LRRC4C: variants seen among roughly 807,000 people sequenced by gnomAD.
LRRC4C encodes leucine-rich repeat-containing protein 4C.
LRRC4C carries 5 observed loss-of-function variants against 33.6 expected under a neutral mutation model. The observed-to-expected ratio is 0.15, with a 90% CI of 0.08 to 0.31. LRRC4C has a LOEUF of 0.31. LRRC4C is among the 10% of genes least tolerant of loss of function. The probability of loss-of-function intolerance (pLI) is 1.00; values close to 1 mark genes in which losing one functional copy is unlikely to be tolerated. For missense variants in LRRC4C, 560 were observed against 796.7 expected (o/e 0.70, Z 3.58); for synonymous variants, 329 against 302.0 (o/e 1.09, Z -0.93).
chr11:40,175,612 G>T (rs574548794), intron 5 of LRRC4C, among the ~76,000 whole-genome samples: 1 of 152,278 alleles, frequency 6.6e-6, no homozygotes, highest in African/African-American at 2.4e-5. Context: ...CAAAGATTTT[G>T]AGCCTTTAAT....
At chr11:41,303,123 C>T (rs1266924995) in intron 1 of LRRC4C, among the ~76,000 whole-genome samples, 1 of 140,986 alleles carries the variant, frequency 7.1e-6, no homozygotes, top group Admixed American at 7.5e-5. Context: ...CTCTCCCTCA[C>T]CCCACGGTCT....
At chr11:40,377,885 A>T (rs1948721028) in intron 3 of LRRC4C, among the ~76,000 whole-genome samples, 1 of 152,130 alleles carries the variant, frequency 6.6e-6, no homozygotes, top group Non-Finnish European at 1.5e-5. Flanking sequence ...GGTAGAGGCC[A>T]GTGACAATTC....
At chr11:41,086,397 T>C (rs1027343212) in intron 1 of LRRC4C, among the ~76,000 whole-genome samples, 4 of 152,128 alleles carry the variant, frequency 2.6e-5, no homozygotes, top group Non-Finnish European at 5.9e-5. Context: ...ACTTGTGCAA[T>C]AAACAAACAC....
intron 2 of LRRC4C, among the ~76,000 whole-genome samples, chr11:40,729,543 A>G (rs1947456604): frequency 6.6e-6 from 1 of 152,146 alleles, no homozygotes; most frequent in South Asian, 2.1e-4. Flanking sequence ...ACAGCATGAT[A>G]TGGAGGTAAG....
intron 3 of LRRC4C, among the ~76,000 whole-genome samples, chr11:40,592,211 G>A (rs1272176958): frequency 6.6e-6 from 1 of 152,162 alleles, no homozygotes; most frequent in African/African-American, 2.4e-5. Context: ...GTGCTATAAA[G>A]TACAGAGTGC....
At chr11:40,531,475 CAGAT>C (rs1956269691) in intron 3 of LRRC4C, among the ~76,000 whole-genome samples, 1 of 151,822 alleles carries the variant, frequency 6.6e-6, no homozygotes. Flanking sequence ...AGAGAAGGAA[CAGAT>C]AGAAGAAAAA....
intron 1 of LRRC4C, among the ~76,000 whole-genome samples, chr11:40,934,202 C>T (rs945550382): frequency 6.6e-6 from 1 of 152,172 alleles, no homozygotes; most frequent in African/African-American, 2.4e-5. Context: ...TTCTCATCCA[C>T]AAACTCATAG....
At chr11:40,589,238 T>C (rs1321009808) in intron 3 of LRRC4C, among the ~76,000 whole-genome samples, 1 of 152,176 alleles carries the variant, frequency 6.6e-6, no homozygotes, top group Non-Finnish European at 1.5e-5. Context: ...GTAATGGTCT[T>C]CTTTGTCTCT....
At chr11:41,019,828 A>G (rs926524069) in intron 1 of LRRC4C, among the ~76,000 whole-genome samples, 17 of 152,042 alleles carry the variant, frequency 1.1e-4, no homozygotes, top group African/African-American at 4.1e-4. Context: ...ACCTTTGAGA[A>G]GTGTCTGTTC....
At chr11:41,409,800 G>C in intron 1 of LRRC4C, among the ~76,000 whole-genome samples, 1 of 152,110 alleles carries the variant, frequency 6.6e-6, no homozygotes, top group Non-Finnish European at 1.5e-5. Context: ...TGGTAGATAT[G>C]ACTGACCCGT....
At chr11:40,384,522 C>G (rs1021132405) in intron 3 of LRRC4C, among the ~76,000 whole-genome samples, 1 of 152,074 alleles carries the variant, frequency 6.6e-6, no homozygotes, top group Admixed American at 6.5e-5. Flanking sequence ...TATAGCAGAA[C>G]CAGGATTCAA....
At chr11:40,585,352 G>A (rs1489398646) in intron 3 of LRRC4C, among the ~76,000 whole-genome samples, 1 of 152,044 alleles carries the variant, frequency 6.6e-6, no homozygotes, top group Non-Finnish European at 1.5e-5. Flanking sequence ...ACACAAGGAA[G>A]ACTAAACATC....
Position 40,390,313 on chromosome 11 carries a change from G to A in LRRC4C, c.-269-70592C>T, listed in dbSNP as rs116310419. The stretch of plus-strand genomic sequence containing the variant: ...AAAACAAGGAATTCAGCTTAATCTC[G>A]AGTGTTAAACTGAATTAACTGAATC... On this transcript the variant is annotated intron_variant, in intron 3 of 6. Coordinates refer to ENST00000528697, the MANE Select transcript of LRRC4C (RefSeq NM_001258419.2). 3.1e-3 allele frequency among the ~76,000 whole-genome samples: 479 copies of A among 152,228 alleles called. 4 individuals are homozygous for A. Among genetic ancestry groups the A allele is most frequent in the African/African-American group, 0.011 (460 of 41,542 alleles).
intron 5 of LRRC4C, among the ~76,000 whole-genome samples, chr11:40,201,567 C>T (rs1307445503): frequency 2.0e-5 from 3 of 152,120 alleles, no homozygotes; most frequent in African/African-American, 7.2e-5. Flanking sequence ...AACAACTCCA[C>T]CCACGAGCTG....
chr11:41,176,652 A>G (rs1373021184), intron 1 of LRRC4C, among the ~76,000 whole-genome samples: 5 of 152,180 alleles, frequency 3.3e-5, no homozygotes, highest in Admixed American at 2.6e-4. Flanking sequence ...TAAAGATAAA[A>G]TAAATGAAGA....
At chr11:40,987,826 T>A (rs1437366263) in intron 1 of LRRC4C, among the ~76,000 whole-genome samples, 1 of 151,810 alleles carries the variant, frequency 6.6e-6, no homozygotes, top group Admixed American at 6.6e-5. Context: ...ATGCAGTGAA[T>A]AGCACAAAGA....
chr11:41,136,539 C>T lies in LRRC4C; in HGVS notation c.-495-202816G>A, dbSNP rs1384934374. ...TACAATTGAAAGATGTTAAGTTGGGCATTTAAGCACTGTGTTTCATTGATA... is the reference window on the plus strand; with the variant it reads ...TACAATTGAAAGATGTTAAGTTGGGTATTTAAGCACTGTGTTTCATTGATA... On this transcript the variant is annotated intron_variant, in intron 1 of 6. Coordinates refer to ENST00000528697, the MANE Select transcript of LRRC4C (RefSeq NM_001258419.2). 2.6e-5 allele frequency among the ~76,000 whole-genome samples: 4 copies of T among 152,234 alleles called. No homozygotes were observed. The East Asian group carries it at 7.7e-4, about 29-fold the overall frequency.
chr11:41,271,528 G>T (rs1197863649), intron 1 of LRRC4C, among the ~76,000 whole-genome samples: 1 of 147,056 alleles, frequency 6.8e-6, no homozygotes, highest in Non-Finnish European at 1.5e-5. Context: ...TTGTTCAGAT[G>T]TCACTTCCAC....
In LRRC4C at chr11:40,532,320, C is replaced by T. The variant is rs1413062689; in HGVS notation, c.-270+115822G>A. 3.3e-5 allele frequency among the ~76,000 whole-genome samples: 5 copies of T among 151,878 alleles called. No homozygotes were observed. In the East Asian group the frequency reaches 9.7e-4, roughly 30 times the overall value. Reference sequence around the variant, plus strand: ...GAGTAAAATGGATCACATGGAACAGCGGTGATTGTGGTACACTCTGGCTAA... The same window carrying T: ...GAGTAAAATGGATCACATGGAACAGTGGTGATTGTGGTACACTCTGGCTAA... On this transcript the variant is annotated intron_variant, in intron 3 of 6. Transcript: ENST00000528697.
Sources: gnomAD v4.1 joint callset for allele counts (sites outside exome capture counted in the v4.1 genomes callset) on GRCh38, gnomAD v4.1.1 for gene constraint, MANE v1.5 for transcripts, NCBI Gene and HGNC (gene_info 2026-07-23, HGNC 2026-07-21) for gene names.